The following PIK3C2G variants were observed in gnomAD, a reference collection of about 807,000 sequenced individuals.
The protein encoded by PIK3C2G is phosphatidylinositol-4-phosphate 3-kinase catalytic subunit type 2 gamma.
Under a neutral mutation model 181.1 loss-of-function variants are expected in PIK3C2G, and 168 were observed. The ratio of observed to expected loss-of-function variants is 0.93; its 90% CI spans 0.82 to 1.05. PIK3C2G has a LOEUF of 1.05. Among genes scored for constraint, PIK3C2G ranks in the 50% least tolerant of loss-of-function variants. The pLI, the probability that PIK3C2G is intolerant of heterozygous loss-of-function variation, is 0.00. For missense variants in PIK3C2G, 1,869 were observed against 1,732.8 expected (o/e 1.08, Z -1.40); for synonymous variants, 573 against 592.2 (o/e 0.97, Z 0.47).
intron 30 of PIK3C2G, among the ~76,000 whole-genome samples, chr12:18,598,092 C>T (rs1391120414): frequency 6.6e-6 from 1 of 152,140 alleles, no homozygotes; most frequent in East Asian, 1.9e-4. Flanking sequence ...TTTAGAGATT[C>T]AATGCCATCC....
chr12:18,357,345 TACAAAC>T (rs1402838387), intron 11 of PIK3C2G, among the ~76,000 whole-genome samples: 1 of 152,092 alleles, frequency 6.6e-6, no homozygotes, highest in Non-Finnish European at 1.5e-5. Context: ...AGATATTGTG[TACAAAC>T]ATGTTTTACA....
rs564530309 is a variant in PIK3C2G, at chr12:18,620,895, T to C, written c.4182+11266T>C. Among the ~76,000 whole-genome samples, 104 of 152,254 alleles carry C rather than the reference T, an allele frequency of 6.8e-4. 1 individual carries two copies. The South Asian group carries it at 0.021, about 31-fold the overall frequency. On this transcript the variant is annotated intron_variant, in intron 31 of 32. Transcript: ENST00000538779. ...TTCACGTTGCATACCTATATATTTC[T>C]TTAAACCATGATAAAAACTGTTTAG... is the stretch of plus-strand genomic sequence containing the variant.
At chr12:18,650,722 A>ATATATC (rs1565602743), downstream of PIK3C2G, among the ~76,000 whole-genome samples, 1 of 16,580 alleles carries the variant, frequency 6.0e-5, no homozygotes, top group Non-Finnish European at 9.6e-5. Context: ...CTATATATAT[A>ATATATC]TATATATATA....
intron 22 of PIK3C2G, among the ~76,000 whole-genome samples, chr12:18,502,338 G>A (rs1333605380): frequency 6.6e-6 from 1 of 152,118 alleles, no homozygotes; most frequent in African/African-American, 2.4e-5. Context: ...ATCATTAAAT[G>A]GTCAATTTAA....
the PIK3C2G span, among the ~76,000 whole-genome samples, chr12:18,686,259 G>GA: frequency 6.6e-6 from 1 of 151,704 alleles, no homozygotes; most frequent in African/African-American, 2.4e-5. Context: ...CAAATCTGCA[G>GA]AAAAAAACCT....
Position 18,282,370 on chromosome 12 carries a change from T to G in PIK3C2G, c.289T>G (p.Ser97Ala). ...NEFTSKSREL[S>A]WHQVSKAPAI... ...ATTCACTTCTAAAAGCCGTGAACTC[T>G]CCTGGCATCAAGTTAGCAAAGCACC... Residue 97 changes from serine to alanine, a missense_variant, in exon 2 of 33, where the codon TCC (serine) becomes GCC (alanine). Coordinates refer to ENST00000538779, the MANE Select transcript of PIK3C2G (RefSeq NM_001288772.2). 6.2e-7 allele frequency: 1 copy of G among 1,613,666 alleles called. No homozygotes were observed. Among genetic ancestry groups the G allele is most frequent in the Non-Finnish European group, 8.5e-7 (1 of 1,179,666 alleles).
intron 6 of PIK3C2G, among the ~76,000 whole-genome samples, chr12:18,319,732 T>A (rs1462345769): frequency 6.6e-6 from 1 of 152,184 alleles, no homozygotes; most frequent in East Asian, 1.9e-4. Context: ...ACAGTTCAAA[T>A]CTTACTTATT....
At chr12:18,489,875 C>A (rs1005925080) in intron 19 of PIK3C2G, among the ~76,000 whole-genome samples, 1 of 151,986 alleles carries the variant, frequency 6.6e-6, no homozygotes, top group Non-Finnish European at 1.5e-5. Flanking sequence ...TGATCATTCG[C>A]TTCAAGTACC....
intron 1 of PIK3C2G, among the ~76,000 whole-genome samples, chr12:18,273,742 G>T (rs1021778179): frequency 1.1e-4 from 16 of 152,130 alleles, no homozygotes; most frequent in South Asian, 2.1e-4. Context: ...ACATAGCCAT[G>T]GGCAAGGACT....
At chr12:18,456,936 A>G (rs1947660082) in intron 18 of PIK3C2G, among the ~76,000 whole-genome samples, 1 of 152,202 alleles carries the variant, frequency 6.6e-6, no homozygotes, top group African/African-American at 2.4e-5. Flanking sequence ...TTGACAGTCC[A>G]TTCTTTTTAT....
chr12:18,691,183 G>C, the PIK3C2G span, among the ~76,000 whole-genome samples: 6 of 152,264 alleles, frequency 3.9e-5, no homozygotes, highest in African/African-American at 1.4e-4. Flanking sequence ...TGTGGGATGT[G>C]AAGGAGATGT....
intron 11 of PIK3C2G, among the ~76,000 whole-genome samples, chr12:18,347,654 A>G (rs1939797688): frequency 6.6e-6 from 1 of 152,088 alleles, no homozygotes; most frequent in African/African-American, 2.4e-5. Flanking sequence ...TACTAAAAAT[A>G]CAAAAAATTA....
chr12:18,530,639 A>C (rs966392504), intron 24 of PIK3C2G, among the ~76,000 whole-genome samples: 2 of 152,188 alleles, frequency 1.3e-5, no homozygotes, highest in Non-Finnish European at 2.9e-5. Context: ...GTTGAATTGT[A>C]ATCCCCAATG....
At chr12:18,542,893 A>G (rs541175711) in intron 25 of PIK3C2G, among the ~76,000 whole-genome samples, 5 of 151,620 alleles carry the variant, frequency 3.3e-5, no homozygotes, top group African/African-American at 9.6e-5. Context: ...TCTTTACGGT[A>G]GAATGATATA....
intron 26 of PIK3C2G, among the ~76,000 whole-genome samples, chr12:18,561,097 A>G (rs1350580651): frequency 1.3e-5 from 2 of 152,230 alleles, no homozygotes; most frequent in Non-Finnish European, 2.9e-5. Context: ...TCAGAAACTT[A>G]TTTCCTTGAG....
At chr12:18,456,118 TCTGTTAGTTTA>T (rs1947612687) in intron 18 of PIK3C2G, among the ~76,000 whole-genome samples, 1 of 152,196 alleles carries the variant, frequency 6.6e-6, no homozygotes, top group South Asian at 2.1e-4. Flanking sequence ...CAATTGTTTA[TCTGTTAGTTTA>T]CTGACCTATT....
At position 18,362,851 on chromosome 12, in the gene PIK3C2G, G is replaced by T. The variant is rs1280748274; in HGVS notation, c.1713G>T (p.Lys571Asn). 12 of 1,516,634 alleles carry T rather than the reference G, an allele frequency of 7.9e-6. No individual in the cohort carries two copies. Among genetic ancestry groups the T allele is most frequent in the Non-Finnish European group, 1.1e-5 (12 of 1,136,614 alleles). 93.9% of individuals were successfully genotyped at this position (1,516,634 alleles called of 1,614,324 possible). A position where few individuals can be genotyped will look rare whatever the true frequency, so the allele number is the denominator to read the frequency against. ...QVRNYRNIPD[K>N]KLFFFLVNWN... ...GAAACTACAGAAATATTCCAGACAA[G>T]AAATTATTTTTTTTCTTGGTCAACT... Residue 571 changes from lysine to asparagine, a missense_variant, in exon 12 of 33, where the codon AAG becomes AAT. Coordinates refer to ENST00000538779, the MANE Select transcript of PIK3C2G (RefSeq NM_001288772.2).
At chr12:18,249,471 C>G (rs970137977) in intron 1 of PIK3C2G, among the ~76,000 whole-genome samples, 1 of 152,098 alleles carries the variant, frequency 6.6e-6, no homozygotes, top group African/African-American at 2.4e-5. Context: ...TTTCATCCTA[C>G]TCATGGTCCT....
intron 18 of PIK3C2G, among the ~76,000 whole-genome samples, chr12:18,459,628 A>C (rs1947811777): frequency 6.6e-6 from 1 of 152,240 alleles, no homozygotes; most frequent in African/African-American, 2.4e-5. Context: ...AGTTACAGTG[A>C]AATTTATATT....
Sources: allele counts gnomAD v4.1 joint callset (sites outside exome capture counted in the v4.1 genomes callset), GRCh38; gene constraint gnomAD v4.1.1; transcripts MANE v1.5; gene names NCBI Gene and HGNC (gene_info 2026-07-23, HGNC 2026-07-21).